USP7: variants seen among roughly 807,000 people sequenced by gnomAD.
USP7 encodes the protein ubiquitin specific peptidase 7.
Under a neutral mutation model 162.9 loss-of-function variants are expected in USP7, and 9 were observed. That is an observed-to-expected ratio of 0.06 (90% CI 0.03 to 0.10). USP7 has a LOEUF of 0.10. Among genes scored for constraint, USP7 ranks in the 10% least tolerant of loss-of-function variants. The pLI is 1.00. For missense variants in USP7, 715 were observed against 1,373.7 expected, an observed-to-expected ratio of 0.52 and a Z score of 7.58; for synonymous variants, 562 against 475.9, an observed-to-expected ratio of 1.18 and a Z score of -2.35.
At chr16:8,920,653 G>A (rs1372832224) in intron 4 of USP7, among the ~76,000 whole-genome samples, 1 of 152,162 alleles carries the variant, frequency 6.6e-6, no homozygotes, top group Non-Finnish European at 1.5e-5. Flanking sequence ...TGGCACCTCA[G>A]AGGTATCCCA....
Position 8,892,657 on chromosome 16 carries a change from C to T in USP7, c.*1341G>A, listed in dbSNP as rs530368668. ...AACAAGAGACCCTGCCCCCGCAAAA[C>T]GGAATTAGAAGGAAAAGTACATCTC... is the stretch of plus-strand genomic sequence containing the variant. On this transcript the variant is annotated 3_prime_UTR_variant, in exon 31 of 31. Transcript: ENST00000344836. The T allele has an allele frequency of 1.4e-5, 2 of 146,432 alleles. No homozygotes were observed. The highest frequency in any genetic ancestry group is 2.5e-5 in the African/African-American group (1 of 39,684). The allele number at this position is 146,432 out of a possible 1,614,324, so 9.1% of individuals were successfully genotyped here. A position where few individuals can be genotyped will look rare whatever the true frequency, so the allele number is the denominator to read the frequency against.
chr16:8,899,278 G>T, intron 22 of USP7, 90 bp from the exon 23 acceptor site: 1 of 1,297,196 alleles, frequency 7.7e-7, no homozygotes, highest in Non-Finnish European at 1.1e-6. Context: ...TGTGCCATGA[G>T]CAGCCTGAAT....
At chr16:8,963,016 G>A (rs1900082716) in intron 1 of USP7, 191 bp downstream of exon 1, 2 of 325,868 alleles carry the variant, frequency 6.1e-6, no homozygotes, top group Non-Finnish European at 1.0e-5. Context: ...GGGTCCCGGC[G>A]GCCGCCCCTC....
intron 1 of USP7, among the ~76,000 whole-genome samples, chr16:8,932,065 C>G (rs1048190533): frequency 6.6e-6 from 1 of 152,138 alleles, no homozygotes; most frequent in Non-Finnish European, 1.5e-5. Context: ...CTCACCTCCC[C>G]CTCCAAGAAC....
At chr16:8,940,206 C>G (rs1053865584) in intron 1 of USP7, among the ~76,000 whole-genome samples, 1 of 152,182 alleles carries the variant, frequency 6.6e-6, no homozygotes, top group African/African-American at 2.4e-5. Context: ...TGCCTATCTA[C>G]GCATCCTATA....
In USP7 at chr16:8,899,614, T is replaced by C; in HGVS notation, c.2453A>G (p.Asn818Ser). ...GCATTTATTAAATACCTGAAAATAA[T>C]TCATTCTATTTGATAACGTAACCAC... Reference protein sequence around the residue: ...GFVVTLSNRMNYFQVAKTVAQ... With the variant: ...GFVVTLSNRMSYFQVAKTVAQ... The change falls in exon 22 of 31, where the codon AAT (asparagine) becomes AGT (serine). Residue 818 changes from asparagine (N) to serine (S), a missense_variant. Physicochemically the swap from Asn to Ser is conservative, Grantham distance 46 (BLOSUM62 1). Coordinates refer to ENST00000344836, the MANE Select transcript of USP7 (RefSeq NM_003470.3). 1.9e-6 allele frequency: 3 copies of C among 1,614,058 alleles called. No homozygotes were observed. The highest frequency in any genetic ancestry group is 2.5e-6 in the Non-Finnish European group (3 of 1,179,924).
At chr16:8,898,901 T>C (rs1253859267) in intron 23 of USP7, among the ~76,000 whole-genome samples, 8 of 152,208 alleles carry the variant, frequency 5.3e-5, no homozygotes, top group African/African-American at 1.9e-4. Flanking sequence ...GCACTGAGGA[T>C]GTATCTAAAG....
chr16:8,920,102 A>C (rs1897605501), intron 5 of USP7, among the ~76,000 whole-genome samples: 1 of 152,208 alleles, frequency 6.6e-6, no homozygotes, highest in Non-Finnish European at 1.5e-5. Flanking sequence ...CTGAGTGTAC[A>C]TTCTTTAGGA....
chr16:8,905,829 C>A (rs2061850708), intron 13 of USP7, among the ~76,000 whole-genome samples: 2 of 152,240 alleles, frequency 1.3e-5, no homozygotes, highest in South Asian at 4.1e-4. Flanking sequence ...ATCTTCCCAT[C>A]TGCGTTGTGG....
In USP7 at chr16:8,905,301, T is replaced by G; in HGVS notation, c.1459A>C (p.Arg487=). Residue 487 remains arginine, a synonymous_variant, in exon 14 of 31, where the codon AGG becomes CGG. Coordinates refer to ENST00000344836, the MANE Select transcript of USP7 (RefSeq NM_003470.3). ...TCAATTGCTTCCTCTTTAGTACACC[T>G]TGACACCACGTCGTCATCAAATTTA... The part of the protein sequence containing the change: ...WCKFDDDVVS[R]CTKEEAIEHN... 2.5e-6 allele frequency: 4 copies of G among 1,614,166 alleles called. No individual in the cohort carries two copies. The highest frequency in any genetic ancestry group is 3.4e-6 in the Non-Finnish European group (4 of 1,180,020).
intron 1 of USP7, among the ~76,000 whole-genome samples, chr16:8,954,896 G>C (rs1899721468): frequency 6.6e-6 from 1 of 152,116 alleles, no homozygotes; most frequent in African/African-American, 2.4e-5. Context: ...GGAGGCAGAG[G>C]TTGCAGTGAG....
intron 1 of USP7, among the ~76,000 whole-genome samples, chr16:8,959,553 C>T (rs1024559077): frequency 6.6e-6 from 1 of 152,150 alleles, no homozygotes; most frequent in Non-Finnish European, 1.5e-5. Context: ...TTTCTCTCTA[C>T]TGGGTTCTCT....
chr16:8,962,987 G>C (rs896706333), intron 1 of USP7: 5 of 253,432 alleles, frequency 2.0e-5, no homozygotes, highest in Non-Finnish European at 3.6e-5. Context: ...ACGCGAGGTC[G>C]GGACAATGCA....
At chr16:8,955,738 G>A (rs1899770758) in intron 1 of USP7, among the ~76,000 whole-genome samples, 1 of 150,310 alleles carries the variant, frequency 6.7e-6, no homozygotes, top group Non-Finnish European at 1.5e-5. Context: ...ATTGCACAGG[G>A]TCAATTAAGA....
chr16:8,905,406 T>C lies in USP7; in HGVS notation c.1429-75A>G. The C allele has an allele frequency of 4.4e-6, 7 of 1,574,090 alleles. No homozygotes were observed. In the South Asian group the frequency reaches 4.5e-5, roughly 10 times the overall value. On this transcript the variant is annotated intron_variant, in intron 13 of 30. Coordinates refer to ENST00000344836, the MANE Select transcript of USP7 (RefSeq NM_003470.3). ...ACCCAACACTAGAAGGCAGCGTTGT[T>C]CTAAAATGTGTGAACTTCTAGGTAT...
chr16:8,906,645 A>G (rs966404019), intron 12 of USP7, 63 bp from the exon 13 acceptor site: 2 of 1,517,560 alleles, frequency 1.3e-6, no homozygotes, highest in African/African-American at 2.8e-5. Context: ...CACACTTTAC[A>G]GTAAGTAAGG....
In USP7 at chr16:8,943,283, G is replaced by C. The variant is rs186809971; in HGVS notation, c.80-12886C>G. 3.2e-4 allele frequency among the ~76,000 whole-genome samples: 49 copies of C among 152,194 alleles called. 1 individual carries two copies. The highest frequency in any genetic ancestry group is 3.4e-3 in the Middle Eastern group (1 of 294). On this transcript the variant is annotated intron_variant, in intron 1 of 30. Coordinates refer to ENST00000344836, the MANE Select transcript of USP7 (RefSeq NM_003470.3). ...TTTAATGCTGTGTTGTGCACTGAGA[G>C]GGGTTTAATATACAGCACAAGTAAA...
chr16:8,944,395 C>A (rs1424213930), intron 1 of USP7, among the ~76,000 whole-genome samples: 1 of 152,156 alleles, frequency 6.6e-6, no homozygotes, highest in East Asian at 1.9e-4. Context: ...CCATTTACAC[C>A]TTGGCAACTA....
At chr16:8,924,455 G>T (rs1217266983) in intron 2 of USP7, among the ~76,000 whole-genome samples, 2 of 152,242 alleles carry the variant, frequency 1.3e-5, no homozygotes, top group Non-Finnish European at 2.9e-5. Context: ...CAAGGGCCAA[G>T]CTCTACAGGC....
Sources: allele counts gnomAD v4.1 joint callset (sites outside exome capture counted in the v4.1 genomes callset), GRCh38; gene constraint gnomAD v4.1.1; transcripts MANE v1.5; gene names NCBI Gene and HGNC (gene_info 2026-07-23, HGNC 2026-07-21).